LMO3: variants seen among roughly 807,000 people sequenced by gnomAD.
LMO3 encodes the protein LIM domain only 3.
Under a neutral mutation model 15.8 loss-of-function variants are expected in LMO3, and 2 were observed. The ratio of observed to expected loss-of-function variants is 0.13; its 90% confidence interval spans 0.05 to 0.40. The LOEUF is 0.40. Among genes scored for constraint, LMO3 ranks in the 10% least tolerant of loss-of-function variants. The probability of loss-of-function intolerance (pLI) is 0.99; values close to 1 mark genes in which losing one functional copy is unlikely to be tolerated. For missense variants in LMO3, 86 were observed against 182.2 expected, an observed-to-expected ratio of 0.47 and a Z score of 3.04; for synonymous variants, 62 against 63.8, an observed-to-expected ratio of 0.97 and a Z score of 0.13.
chr12:16,557,902 C>T (rs1942253008), intron 3 of LMO3, among the ~76,000 whole-genome samples: 1 of 152,016 alleles, frequency 6.6e-6, no homozygotes, highest in Admixed American at 6.6e-5. Context: ...ATGTCACATT[C>T]TTTCTACTAT....
In LMO3 at chr12:16,566,026, ATATATATATATAT is replaced by A. The variant is rs1565488351; in HGVS notation, c.207-5501_207-5489del. 7.8e-5 allele frequency among the ~76,000 whole-genome samples: 7 copies of A among 89,928 alleles called. 1 individual carries two copies. The highest frequency in any genetic ancestry group is 1.6e-4 in the Non-Finnish European group (7 of 45,010). The allele number at this position is 89,928 out of a possible 152,430, so 59.0% of individuals were successfully genotyped here. ...TATATATATATATATATATATATAT[ATATATATATATAT>A]AAAATGGAGTACTATTCAGCCATAA... On this transcript the variant is annotated intron_variant, in intron 2 of 3. Transcript: ENST00000537304.
rs1046188055 is a variant in LMO3 at position 16,587,469 on chromosome 12, C to A, written c.206+13186G>T. Among the ~76,000 whole-genome samples, 1 of 151,508 alleles carries A rather than the reference C, an allele frequency of 6.6e-6. No individual in the cohort carries two copies. Among genetic ancestry groups the A allele is most frequent in the African/African-American group, 2.4e-5 (1 of 41,300 alleles). ...AGGAATTCAAGTTCGATTTTTTTTT[C>A]TTTTACTTTGCCTACTACTAGCAAA... On this transcript the variant is annotated intron_variant, in intron 2 of 3. Coordinates refer to ENST00000537304, the MANE Select transcript of LMO3 (RefSeq NM_018640.5). This position sits in a 1 kb window ranked among gnomAD's most constrained non-coding sequence, Gnocchi z 4.3.
intron 2 of LMO3, among the ~76,000 whole-genome samples, chr12:16,583,714 G>A (rs1943235781): frequency 6.6e-6 from 1 of 152,166 alleles, no homozygotes. Context: ...TGTAGGAATG[G>A]ATTGAAAAAG....
chr12:16,578,297 T>C (rs1336409030), intron 2 of LMO3, among the ~76,000 whole-genome samples: 1 of 152,156 alleles, frequency 6.6e-6, no homozygotes, highest in Non-Finnish European at 1.5e-5. Flanking sequence ...CTACTCAAGT[T>C]TGAGAACAAT....
At chr12:16,609,371 C>T (rs1282718709), upstream of LMO3, 2 of 152,198 alleles carry the variant, frequency 1.3e-5, no homozygotes, top group Non-Finnish European at 2.9e-5. Flanking sequence ...TTTGTTTACT[C>T]AGCCAAGCTA....
chr12:16,599,721 G>A lies in LMO3; in HGVS notation c.206+934C>T, dbSNP rs1297378088. 1 of 152,074 alleles carries A rather than the reference G, an allele frequency of 6.6e-6. No individual in the cohort carries two copies. Among genetic ancestry groups the A allele is most frequent in the Non-Finnish European group, 1.5e-5 (1 of 68,014 alleles). 9.4% of individuals were successfully genotyped at this position (152,074 alleles called of 1,614,324 possible). On this transcript the variant is annotated intron_variant, in intron 2 of 3. Transcript: ENST00000537304. The surrounding 1 kb of genome is among the most constrained non-coding windows in gnomAD (Gnocchi z 4.1). ...TGCAGCTGAAGTAAGTCACAAAGTTGCCTGAAAAGCAAAATAATTTTCCTT... is the reference window on the plus strand; with the variant it reads ...TGCAGCTGAAGTAAGTCACAAAGTTACCTGAAAAGCAAAATAATTTTCCTT...
intron 2 of LMO3, among the ~76,000 whole-genome samples, chr12:16,562,068 A>G (rs1054695320): frequency 3.9e-5 from 6 of 152,308 alleles, no homozygotes; most frequent in African/African-American, 1.4e-4. Context: ...TTTGATAAAT[A>G]ATATTTATTT....
intron 2 of LMO3, among the ~76,000 whole-genome samples, chr12:16,571,995 A>G (rs1178233593): frequency 1.3e-5 from 2 of 152,036 alleles, no homozygotes; most frequent in Non-Finnish European, 2.9e-5. Context: ...AAAATCCCAC[A>G]TTATCAAAAT....
intron 2 of LMO3, among the ~76,000 whole-genome samples, chr12:16,588,813 C>T (rs887868669): frequency 2.6e-5 from 4 of 152,000 alleles, no homozygotes; most frequent in Admixed American, 1.3e-4. Context: ...ACTCTTAAAC[C>T]TCTTCTTCAA....
At chr12:16,605,723 C>T in intron 1 of LMO3, 1 of 1,514,426 alleles carries the variant, frequency 6.6e-7, no homozygotes, top group Non-Finnish European at 8.9e-7. Context: ...TGTGGAAATA[C>T]TGCAGTTCAT....
chr12:16,609,441 T>G (rs1433096524), upstream of LMO3, among the ~76,000 whole-genome samples: 1 of 152,176 alleles, frequency 6.6e-6, no homozygotes, highest in African/African-American at 2.4e-5. Flanking sequence ...CTACCCAGTT[T>G]AATTACAGAT....
In LMO3 at chr12:16,600,875, G is replaced by A; in HGVS notation, c.-8-7C>T. On this transcript the variant is annotated splice_polypyrimidine_tract_variant and splice_region_variant and intron_variant, in intron 1 of 3. Transcript: ENST00000537304. ...ACTGAGAGCATTTGTATACCTAAAG[G>A]AAGACAAAAGCAAAAAAGAGAGCTG... 1.2e-6 allele frequency: 2 copies of A among 1,607,644 alleles called. No homozygotes were observed. Among genetic ancestry groups the A allele is most frequent in the Non-Finnish European group, 1.7e-6 (2 of 1,175,086 alleles).
rs1481375840 is a variant in LMO3 at position 16,555,149 on chromosome 12, CT to C, written c.333-3823del. Among the ~76,000 whole-genome samples the C allele has an allele frequency of 1.3e-5, 2 of 152,206 alleles. No homozygotes were observed. The highest frequency in any genetic ancestry group is 2.9e-5 in the Non-Finnish European group (2 of 68,034). ...AACGGTGTTTGGTGTTTGACTAATA[CT>C]TTATCAGAATTTGCTATCATTATTA... is the stretch of plus-strand genomic sequence containing the variant. On this transcript the variant is annotated intron_variant, in intron 3 of 3. Transcript: ENST00000537304. The surrounding 1 kb of genome is among the most constrained non-coding windows in gnomAD (Gnocchi z 5.5).
chr12:16,566,034 ATATAT>A (rs2137385585), intron 2 of LMO3, among the ~76,000 whole-genome samples: 7 of 102,020 alleles, frequency 6.9e-5, no homozygotes, highest in Admixed American at 1.0e-4. Context: ...ATATATATAT[ATATAT>A]AAAATGGAGT....
At chr12:16,570,402 ATT>A (rs928544168) in intron 2 of LMO3, among the ~76,000 whole-genome samples, 1 of 151,354 alleles carries the variant, frequency 6.6e-6, no homozygotes, top group Non-Finnish European at 1.5e-5. Flanking sequence ...GTTTGAAAAT[ATT>A]TTTTTTTACT....
rs1943931506 is a variant in LMO3 at position 16,604,705 on chromosome 12, A to C, written c.-9+1361T>G. On this transcript the variant is annotated intron_variant, in intron 1 of 3. Coordinates refer to ENST00000537304, the MANE Select transcript of LMO3 (RefSeq NM_018640.5). This position sits in a 1 kb window ranked among gnomAD's most constrained non-coding sequence, Gnocchi z 5.3. ...GTAGCAGTATTTGTTGCATCTAGCA[A>C]GATTAATTGGTTTAAGCAGCAGTCT... 34 of 746,798 alleles carry C rather than the reference A, an allele frequency of 4.6e-5. 2 individuals are homozygous for C. The South Asian group carries it at 6.0e-4, about 13-fold the overall frequency. The allele number at this position is 746,798 out of a possible 1,614,324, so 46.3% of individuals were successfully genotyped here.
In LMO3 at chr12:16,596,277, C is replaced by A. The variant is rs1943655183; in HGVS notation, c.206+4378G>T. 6.6e-6 allele frequency among the ~76,000 whole-genome samples: 1 copy of A among 151,514 alleles called. No homozygotes were observed. The highest frequency in any genetic ancestry group is 1.5e-5 in the Non-Finnish European group (1 of 67,562). On this transcript the variant is annotated intron_variant, in intron 2 of 3. Transcript: ENST00000537304. The surrounding 1 kb of genome is among the most constrained non-coding windows in gnomAD (Gnocchi z 4.3). ...TTAGCAACTATGGTGAAGCATGAAGCATCACTCTTTCCCAGTAGTTTCATT... is the reference window on the plus strand; with the variant it reads ...TTAGCAACTATGGTGAAGCATGAAGAATCACTCTTTCCCAGTAGTTTCATT...
At position 16,584,762 on chromosome 12, in the gene LMO3, G is replaced by A. The variant is rs186391213; in HGVS notation, c.206+15893C>T. 2.0e-5 allele frequency among the ~76,000 whole-genome samples: 3 copies of A among 152,300 alleles called. No individual in the cohort carries two copies. The highest frequency in any genetic ancestry group is 4.4e-5 in the Non-Finnish European group (3 of 68,032). On this transcript the variant is annotated intron_variant, in intron 2 of 3. Coordinates refer to ENST00000537304, the MANE Select transcript of LMO3 (RefSeq NM_018640.5). This position sits in a 1 kb window ranked among gnomAD's most constrained non-coding sequence, Gnocchi z 5.2. ...GACGGGCTGCTTCTCGCCTCACAAA[G>A]CAGTGCCAAGACTCCTTGTTAGGCT...
chr12:16,577,575 A>G (rs2137504593), intron 2 of LMO3, among the ~76,000 whole-genome samples: 1 of 152,354 alleles, frequency 6.6e-6, no homozygotes, highest in East Asian at 1.9e-4. Context: ...AAAACAAATA[A>G]GAATTTCCCC....
Sources: gnomAD v4.1 joint callset for allele counts (sites outside exome capture counted in the v4.1 genomes callset) on GRCh38, gnomAD v4.1.1 for gene constraint, Gnocchi (gnomAD v3.1) non-coding constraint, MANE v1.5 for transcripts, NCBI Gene and HGNC (gene_info 2026-07-23, HGNC 2026-07-21) for gene names.